Variants in PCNX2 observed in about 807,000 individuals in gnomAD.
PCNX2 encodes pecanex-like protein 2.
A neutral mutation model predicts 223.8 loss-of-function variants in PCNX2; 168 were observed. That is an observed-to-expected ratio of 0.75 (90% CI 0.66 to 0.85). The LOEUF is 0.85. PCNX2 is among the 40% of genes least tolerant of loss of function. The probability of loss-of-function intolerance (pLI) is 0.00; values close to 1 mark genes in which losing one functional copy is unlikely to be tolerated. For synonymous variants in PCNX2, 1,006 were observed against 1,052.6 expected, an observed-to-expected ratio of 0.96 and a Z score of 0.86; for missense variants, 2,507 against 2,675.5, an observed-to-expected ratio of 0.94 and a Z score of 1.39.
At chr1:233,069,164 C>T (rs1464486668) in intron 23 of PCNX2, among the ~76,000 whole-genome samples, 2 of 152,102 alleles carry the variant, frequency 1.3e-5, no homozygotes, top group Non-Finnish European at 2.9e-5. Flanking sequence ...GAAAACACAT[C>T]AGTCCTAAAT....
chr1:232,993,145 A>AAT (rs1412257453), intron 32 of PCNX2, among the ~76,000 whole-genome samples: 4 of 152,352 alleles, frequency 2.6e-5, no homozygotes, highest in African/African-American at 9.6e-5. Context: ...GAGGGCTCAG[A>AAT]AGAAGACAGG....
intron 32 of PCNX2, among the ~76,000 whole-genome samples, chr1:232,995,495 G>A (rs951422892): frequency 1.3e-5 from 2 of 152,174 alleles, no homozygotes; most frequent in African/African-American, 4.8e-5. Context: ...ATTTAAATAT[G>A]TGGAGGTAGA....
At chr1:233,086,093 T>C (rs1054058176) in intron 23 of PCNX2, among the ~76,000 whole-genome samples, 1 of 152,236 alleles carries the variant, frequency 6.6e-6, no homozygotes, top group Non-Finnish European at 1.5e-5. Flanking sequence ...GACAACTTCA[T>C]GGCAGAGTTG....
chr1:233,022,453 G>T (rs1670925828), intron 26 of PCNX2, among the ~76,000 whole-genome samples: 1 of 152,166 alleles, frequency 6.6e-6, no homozygotes, highest in African/African-American at 2.4e-5. Flanking sequence ...CAGCTGGTGA[G>T]GAAGAGCTGT....
intron 25 of PCNX2, among the ~76,000 whole-genome samples, chr1:233,036,291 T>A (rs1244665213): frequency 6.6e-6 from 1 of 152,170 alleles, no homozygotes; most frequent in African/African-American, 2.4e-5. Context: ...TCTGTATTTG[T>A]TAGACCTCAC....
chr1:233,054,614 T>C lies in PCNX2; in HGVS notation c.4136-131A>G, dbSNP rs1324563980. ...TTATATACATAAAAGAGGAAAGATG[T>C]GTTCTTCCCACATTTTAGTGGATTA... On this transcript the variant is annotated intron_variant, in intron 24 of 33. Coordinates refer to ENST00000258229, the MANE Select transcript of PCNX2 (RefSeq NM_014801.4). 5.5e-6 allele frequency: 4 copies of C among 733,838 alleles called. No homozygotes were observed. In the East Asian group the frequency reaches 1.1e-4, roughly 20 times the overall value. 45.5% of individuals were successfully genotyped at this position (733,838 alleles called of 1,614,324 possible). A position where few individuals can be genotyped will look rare whatever the true frequency, so the allele number is the denominator to read the frequency against.
chr1:233,062,256 A>G (rs1453037957), intron 23 of PCNX2, among the ~76,000 whole-genome samples: 4 of 151,654 alleles, frequency 2.6e-5, no homozygotes, highest in Admixed American at 2.0e-4. Context: ...GGTTTTTTTC[A>G]TTTTCTATAT....
At position 233,054,262 on chromosome 1, in the gene PCNX2, T is replaced by G. The variant is rs749112219; in HGVS notation, c.4351+6A>C. On this transcript the variant is annotated splice_donor_region_variant and intron_variant, in intron 25 of 33. Transcript: ENST00000258229. Reference sequence around the variant, plus strand: ...TCAACAGTTTCTACAATGAAGAAATTCTTACCTCGGAATTCCAGTCCTCGA... The same window carrying G: ...TCAACAGTTTCTACAATGAAGAAATGCTTACCTCGGAATTCCAGTCCTCGA... 9.9e-6 allele frequency: 16 copies of G among 1,611,468 alleles called. No homozygotes were observed. Among genetic ancestry groups the G allele is most frequent in the Admixed American group, 1.7e-5 (1 of 59,870 alleles).
chr1:233,153,509 TAA>T (rs1399304498), intron 19 of PCNX2, among the ~76,000 whole-genome samples: 1 of 152,240 alleles, frequency 6.6e-6, no homozygotes, highest in Middle Eastern at 3.4e-3. Flanking sequence ...CGTTTAGACT[TAA>T]GAGTTAAAAA....
At chr1:233,018,675 T>A (rs758712776) in intron 26 of PCNX2, 316 of 763,724 alleles carry the variant, frequency 4.1e-4, no homozygotes, top group Non-Finnish European at 5.0e-4. Flanking sequence ...CCTGCCAGCG[T>A]GCACCGCAGT....
intron 25 of PCNX2, chr1:233,033,066 G>A (rs1024903334): frequency 7.6e-5 from 75 of 985,380 alleles, no homozygotes; most frequent in African/African-American, 1.9e-4. Context: ...AGGTCAACCC[G>A]CCCACACAGT....
upstream of PCNX2, among the ~76,000 whole-genome samples, chr1:233,297,814 A>G (rs1232547863): frequency 6.6e-6 from 1 of 152,194 alleles, no homozygotes; most frequent in Non-Finnish European, 1.5e-5. Flanking sequence ...TCGATAGTAC[A>G]GGGGCAAATG....
At chr1:233,302,747 A>G in the PCNX2 span, among the ~76,000 whole-genome samples, 1 of 151,926 alleles carries the variant, frequency 6.6e-6, no homozygotes. Context: ...AATTCAGAAT[A>G]TTTTCTAATT....
intron 25 of PCNX2, among the ~76,000 whole-genome samples, chr1:233,029,129 T>C (rs540951258): frequency 6.6e-6 from 1 of 152,312 alleles, no homozygotes; most frequent in Admixed American, 6.5e-5. Flanking sequence ...TGAGCCACCG[T>C]GCCTGGCCCA....
chr1:233,090,281 C>A (rs987942214), intron 22 of PCNX2, 91 bp from the exon 23 acceptor site: 2 of 1,404,658 alleles, frequency 1.4e-6, no homozygotes, highest in African/African-American at 1.5e-5. Context: ...TCACTAAAGT[C>A]ATTTTTTCCA....
rs1037476879 is a variant in PCNX2, at chr1:233,126,351, T to C, written c.3837+8662A>G. Reference sequence around the variant, plus strand: ...AATAATGAAATAACTCATCAAATTATGGTATATGCTATAGCATTCTCTGCA... The same window carrying C: ...AATAATGAAATAACTCATCAAATTACGGTATATGCTATAGCATTCTCTGCA... On this transcript the variant is annotated intron_variant, in intron 21 of 33. Transcript: ENST00000258229. The surrounding 1 kb of genome is among the most constrained non-coding windows in gnomAD (Gnocchi z 4.8). 1.3e-5 allele frequency: 2 copies of C among 152,166 alleles called. No homozygotes were observed. Among genetic ancestry groups the C allele is most frequent in the East Asian group, 3.8e-4 (2 of 5,200 alleles). The allele number at this position is 152,166 out of a possible 1,614,324, so 9.4% of individuals were successfully genotyped here.
chr1:233,170,800 T>C (rs777306951), intron 17 of PCNX2, among the ~76,000 whole-genome samples: 9 of 152,330 alleles, frequency 5.9e-5, no homozygotes, highest in Non-Finnish European at 1.2e-4. Flanking sequence ...TTTTTAGTTT[T>C]CCGTTTTTCC....
At chr1:233,136,848 G>A (rs1676833881) in intron 20 of PCNX2, among the ~76,000 whole-genome samples, 1 of 152,166 alleles carries the variant, frequency 6.6e-6, no homozygotes, top group Admixed American at 6.5e-5. Flanking sequence ...GGATATTTTG[G>A]TTTTCAGGGG....
Position 233,132,106 on chromosome 1 carries a change from T to A in PCNX2, c.3837+2907A>T, listed in dbSNP as rs574556917. On this transcript the variant is annotated intron_variant, in intron 21 of 33. Coordinates refer to ENST00000258229, the MANE Select transcript of PCNX2 (RefSeq NM_014801.4). ...CACCCGCCACCACGCCCGGCTAAAT[T>A]TTTTTGTATTTTCAGTAGAGATGAG... 1.1e-3 allele frequency among the ~76,000 whole-genome samples: 160 copies of A among 152,050 alleles called. 1 individual carries two copies. Among genetic ancestry groups the A allele is most frequent in the Non-Finnish European group, 3.2e-4 (22 of 67,976 alleles).
Sources: gnomAD v4.1 joint callset for allele counts (sites outside exome capture counted in the v4.1 genomes callset) on GRCh38, gnomAD v4.1.1 for gene constraint, Gnocchi (gnomAD v3.1) non-coding constraint, MANE v1.5 for transcripts, NCBI Gene and HGNC (gene_info 2026-07-23, HGNC 2026-07-21) for gene names.